CACNA1E: variants seen among roughly 807,000 people sequenced by gnomAD.
The protein encoded by CACNA1E is calcium voltage-gated channel subunit alpha1 E.
CACNA1E carries 40 observed loss-of-function variants against 259.2 expected under a neutral mutation model. That is an observed-to-expected ratio of 0.15 (90% CI 0.12 to 0.20). CACNA1E has a LOEUF of 0.20. Ranked by LOEUF, CACNA1E falls within the 10% of genes least tolerant of loss-of-function variation. The pLI is 1.00. For synonymous variants in CACNA1E, 1,104 were observed against 1,138.5 expected (o/e 0.97, Z 0.61); for missense variants, 1,874 against 3,040.1 (o/e 0.62, Z 9.02).
chr1:181,623,445 G>A (rs1655907612), intron 6 of CACNA1E, among the ~76,000 whole-genome samples: 1 of 152,096 alleles, frequency 6.6e-6, no homozygotes, highest in Admixed American at 6.6e-5. Flanking sequence ...TTGAGGATGG[G>A]TATTTTTTGG....
At position 181,799,189 on chromosome 1, in the gene CACNA1E, A is replaced by G. The variant is rs969824077; in HGVS notation, c.*355A>G. ...GGAGGGATCTAGCTGGCCTATGTCT[A>G]CACTCAGTGCCCTGAGAAGCCTGGA... On this transcript the variant is annotated 3_prime_UTR_variant, in exon 48 of 48. Transcript: ENST00000367573. The G allele has an allele frequency of 1.1e-5, 2 of 182,116 alleles. No homozygotes were observed. Among genetic ancestry groups the G allele is most frequent in the African/African-American group, 4.7e-5 (2 of 42,520 alleles). 11.3% of individuals were successfully genotyped at this position (182,116 alleles called of 1,614,324 possible). A position where few individuals can be genotyped will look rare whatever the true frequency, so the allele number is the denominator to read the frequency against.
intron 1 of CACNA1E, among the ~76,000 whole-genome samples, chr1:181,385,442 ACTT>A (rs1186576879): frequency 6.6e-6 from 1 of 152,118 alleles, no homozygotes; most frequent in East Asian, 1.9e-4. Flanking sequence ...CTTAATTTGC[ACTT>A]CTTCTATTTT....
intron 26 of CACNA1E, among the ~76,000 whole-genome samples, chr1:181,750,989 AG>A (rs1490757152): frequency 6.7e-6 from 1 of 149,216 alleles, no homozygotes; most frequent in South Asian, 2.2e-4. Context: ...GGGGTGGGGT[AG>A]GGGGGTAGGT....
intron 7 of CACNA1E, among the ~76,000 whole-genome samples, chr1:181,695,152 A>T (rs72733188): frequency 0.12 from 17,780 of 152,216 alleles, 1,092 homozygotes; most frequent in Middle Eastern, 0.16. Flanking sequence ...AAAAAATCAA[A>T]TATCTAGAAA....
intron 2 of CACNA1E, among the ~76,000 whole-genome samples, chr1:181,473,586 G>A (rs958144605): frequency 6.6e-5 from 10 of 152,150 alleles, no homozygotes; most frequent in Non-Finnish European, 4.4e-5. Flanking sequence ...TGCATGTAAG[G>A]ATATAAACCC....
chr1:181,644,100 G>T (rs4145778), intron 6 of CACNA1E, among the ~76,000 whole-genome samples: 25,417 of 152,084 alleles, frequency 0.17, 2,200 homozygotes, highest in South Asian at 0.28. Flanking sequence ...CTTGCCTGGG[G>T]GCTGAGAAGA....
At chr1:181,490,606 T>A (rs1335259123) in intron 1 of CACNA1E, among the ~76,000 whole-genome samples, 1 of 149,688 alleles carries the variant, frequency 6.7e-6, no homozygotes, top group Non-Finnish European at 1.5e-5. Context: ...CTCTGCATAA[T>A]CTTGAGGCTA....
chr1:181,494,180 A>G (rs905272000), intron 1 of CACNA1E, among the ~76,000 whole-genome samples: 5 of 152,212 alleles, frequency 3.3e-5, no homozygotes, highest in African/African-American at 1.2e-4. Flanking sequence ...TGTATCACAT[A>G]CCACATAATT....
At chr1:181,716,205 C>A in intron 10 of CACNA1E, 76 bp downstream of exon 10, 2 of 926,140 alleles carry the variant, frequency 2.2e-6, no homozygotes, top group Non-Finnish European at 3.4e-6. Context: ...TGAGAAGCAC[C>A]ACAAGGAGGG....
At chr1:181,733,075 C>A (rs1228126097) in intron 20 of CACNA1E, 41 bp downstream of exon 20, 2 of 1,520,802 alleles carry the variant, frequency 1.3e-6, no homozygotes, top group East Asian at 4.6e-5. Flanking sequence ...GGCACACAGG[C>A]TGCTGTTAGG....
intron 6 of CACNA1E, among the ~76,000 whole-genome samples, chr1:181,618,958 A>G (rs1382566563): frequency 1.3e-5 from 2 of 152,250 alleles, no homozygotes; most frequent in Non-Finnish European, 2.9e-5. Context: ...CATGATAACA[A>G]GTAAAATAAA....
intron 1 of CACNA1E, among the ~76,000 whole-genome samples, chr1:181,361,550 G>A (rs748115289): frequency 2.0e-5 from 3 of 152,128 alleles, no homozygotes; most frequent in Non-Finnish European, 4.4e-5. Context: ...GCCCTGGGCA[G>A]AGGCAACATG....
At chr1:181,375,086 GT>G (rs1195855031) in intron 1 of CACNA1E, among the ~76,000 whole-genome samples, 1 of 152,166 alleles carries the variant, frequency 6.6e-6, no homozygotes, top group Non-Finnish European at 1.5e-5. Flanking sequence ...GTGGGCTTCA[GT>G]TTTGGCTCTG....
chr1:181,767,805 T>C (rs1025263041), intron 35 of CACNA1E, among the ~76,000 whole-genome samples: 2 of 152,216 alleles, frequency 1.3e-5, no homozygotes, highest in African/African-American at 4.8e-5. Context: ...GTGTTGGAAA[T>C]AGAATTCCTG....
chr1:181,324,682 A>T (rs554637798), intron 1 of CACNA1E, among the ~76,000 whole-genome samples: 23 of 152,296 alleles, frequency 1.5e-4, no homozygotes, highest in East Asian at 1.2e-3. Context: ...TGGAAGGAAG[A>T]TCCTGTTCCT....
At chr1:181,318,727 G>C (rs909512063) in intron 1 of CACNA1E, among the ~76,000 whole-genome samples, 2 of 152,338 alleles carry the variant, frequency 1.3e-5, no homozygotes, top group African/African-American at 2.4e-5. Flanking sequence ...TGTGCCTTTG[G>C]AGGCGACTCG....
intron 7 of CACNA1E, among the ~76,000 whole-genome samples, chr1:181,695,325 A>G (rs1019823733): frequency 5.9e-5 from 9 of 152,232 alleles, no homozygotes; most frequent in African/African-American, 2.2e-4. Flanking sequence ...GAGATTAAAT[A>G]AAATCCCCAT....
At chr1:181,685,386 A>G (rs1650432858) in intron 7 of CACNA1E, among the ~76,000 whole-genome samples, 1 of 152,134 alleles carries the variant, frequency 6.6e-6, no homozygotes, top group Non-Finnish European at 1.5e-5. Flanking sequence ...TGTTGAGGGA[A>G]CCGAGTTGGA....
chr1:181,587,184 A>G (rs1044808591), intron 6 of CACNA1E, among the ~76,000 whole-genome samples: 1 of 152,228 alleles, frequency 6.6e-6, no homozygotes, highest in Non-Finnish European at 1.5e-5. Flanking sequence ...TCTCAATGAA[A>G]GAGGAAGTAA....
Sources: allele counts gnomAD v4.1 joint callset (sites outside exome capture counted in the v4.1 genomes callset), GRCh38; gene constraint gnomAD v4.1.1; transcripts MANE v1.5; gene names NCBI Gene and HGNC (gene_info 2026-07-23, HGNC 2026-07-21).